DNAH9: variants seen among roughly 807,000 people sequenced by gnomAD.
The protein encoded by DNAH9 is dynein axonemal heavy chain 9.
A neutral mutation model predicts 471.6 loss-of-function variants in DNAH9; 345 were observed. The observed-to-expected ratio is 0.73, with a 90% CI of 0.67 to 0.80. DNAH9 has a LOEUF of 0.80. DNAH9 is among the 30% of genes least tolerant of loss of function. The probability of loss-of-function intolerance (pLI) is 0.00; values close to 1 mark genes in which losing one functional copy is unlikely to be tolerated. For missense variants in DNAH9, 5,407 were observed against 5,609.2 expected (o/e 0.96, Z 1.15); for synonymous variants, 2,093 against 2,123.6 (o/e 0.99, Z 0.40).
At chr17:11,925,926 G>C (rs1012510901) in intron 62 of DNAH9, among the ~76,000 whole-genome samples, 1 of 148,990 alleles carries the variant, frequency 6.7e-6, no homozygotes, top group Non-Finnish European at 1.5e-5. Context: ...GAAATCTCTT[G>C]TAGGAATCAC....
In DNAH9 at chr17:11,728,582, A is replaced by G. The variant is rs987308526; in HGVS notation, c.5814+660A>G. ...CTTGAGATAGACGTGAGTACTTTCA[A>G]TGTTCTAGAGGTGACTTAAATTCTG... On this transcript the variant is annotated intron_variant, in intron 28 of 68. Coordinates refer to ENST00000262442, the MANE Select transcript of DNAH9 (RefSeq NM_001372.4). 5.3e-5 allele frequency among the ~76,000 whole-genome samples: 8 copies of G among 151,668 alleles called. No individual in the cohort carries two copies. In the East Asian group the frequency reaches 7.8e-4, roughly 15 times the overall value.
chr17:11,885,733 A>C (rs970038119), intron 56 of DNAH9, among the ~76,000 whole-genome samples: 1 of 152,140 alleles, frequency 6.6e-6, no homozygotes, highest in Non-Finnish European at 1.5e-5. Flanking sequence ...AGTCATTCTC[A>C]GTTCATGAGA....
intron 38 of DNAH9, among the ~76,000 whole-genome samples, chr17:11,771,337 C>T (rs1158944139): frequency 6.6e-6 from 1 of 152,152 alleles, no homozygotes; most frequent in African/African-American, 2.4e-5. Flanking sequence ...CCATGTTGGC[C>T]AGGCTGGTCT....
At chr17:11,910,179 C>G (rs575942791) in intron 61 of DNAH9, among the ~76,000 whole-genome samples, 15 of 151,806 alleles carry the variant, frequency 9.9e-5, no homozygotes, top group Admixed American at 7.9e-4. Flanking sequence ...GGCATGAACC[C>G]GGGAGGCGGA....
intron 67 of DNAH9, among the ~76,000 whole-genome samples, chr17:11,952,139 CT>C (rs71142258): frequency 0.44 from 44,577 of 101,634 alleles, 8,342 homozygotes; most frequent in East Asian, 0.5. Context: ...AGCTATATTA[CT>C]TTTTTTTTTT....
chr17:11,836,252 A>G (rs866684622), intron 49 of DNAH9, among the ~76,000 whole-genome samples: 1 of 152,214 alleles, frequency 6.6e-6, no homozygotes, highest in African/African-American at 2.4e-5. Context: ...TGAATTCTGC[A>G]TTGTCACCTC....
At chr17:11,646,207 C>T (rs897263915) in intron 11 of DNAH9, among the ~76,000 whole-genome samples, 17 of 151,292 alleles carry the variant, frequency 1.1e-4, no homozygotes, top group South Asian at 4.2e-4. Flanking sequence ...TGAGTAGAGA[C>T]GGGGTTTCTC....
chr17:11,689,481 T>C (rs2074296096), intron 19 of DNAH9, 85 bp from the exon 20 acceptor site: 8 of 1,159,188 alleles, frequency 6.9e-6, no homozygotes, highest in Admixed American at 2.3e-5. Flanking sequence ...AGCATTTAAA[T>C]ATTTCAGCTG....
chr17:11,660,267 T>G (rs2150714513), intron 14 of DNAH9, among the ~76,000 whole-genome samples: 1 of 152,038 alleles, frequency 6.6e-6, no homozygotes, highest in East Asian at 1.9e-4. Flanking sequence ...TTTAGTTTCA[T>G]TCTACAAATT....
chr17:11,940,210 A>C (rs1974855953), intron 66 of DNAH9, among the ~76,000 whole-genome samples: 1 of 152,190 alleles, frequency 6.6e-6, no homozygotes, highest in South Asian at 2.1e-4. Context: ...CTCCTATCTG[A>C]AAGAGTCTCT....
At chr17:11,925,136 T>TAG in intron 62 of DNAH9, 1 of 454,446 alleles carries the variant, frequency 2.2e-6, no homozygotes. Context: ...ATTTTATGAC[T>TAG]GTATTCTCCA....
In DNAH9 at chr17:11,810,144, TC is replaced by T. The variant is rs1969836245; in HGVS notation, c.8584-101del. On this transcript the variant is annotated intron_variant, in intron 44 of 68. Transcript: ENST00000262442. ...ATTGTCACCTTACTTTAATTCCCAT[TC>T]AAGCAGAGAAGAAAACGGTTCCATT... 6 of 1,400,576 alleles carry T rather than the reference TC, an allele frequency of 4.3e-6. No individual in the cohort carries two copies. In the South Asian group the frequency reaches 9.0e-5, roughly 21 times the overall value. 86.8% of individuals were successfully genotyped at this position (1,400,576 alleles called of 1,614,324 possible).
chr17:11,742,486 C>A (rs1001995518), intron 30 of DNAH9, among the ~76,000 whole-genome samples, 173 bp downstream of exon 30: 2 of 152,188 alleles, frequency 1.3e-5, no homozygotes, highest in African/African-American at 2.4e-5. Flanking sequence ...TTTATGTTCA[C>A]TTTTTTAGCT....
At chr17:11,762,406 G>A (rs1967717771) in intron 35 of DNAH9, among the ~76,000 whole-genome samples, 1 of 152,172 alleles carries the variant, frequency 6.6e-6, no homozygotes, top group African/African-American at 2.4e-5. Flanking sequence ...GGATACCTAT[G>A]GGAAGAAAAG....
chr17:11,762,955 A>AT, intron 35 of DNAH9, among the ~76,000 whole-genome samples: 1 of 151,230 alleles, frequency 6.6e-6, no homozygotes, highest in African/African-American at 2.4e-5. Flanking sequence ...AATTTTTTGT[A>AT]TTTTTAGTAG....
At chr17:11,784,099 C>T (rs923177513) in intron 40 of DNAH9, among the ~76,000 whole-genome samples, 3 of 152,158 alleles carry the variant, frequency 2.0e-5, no homozygotes, top group Non-Finnish European at 2.9e-5. Flanking sequence ...CCCCAGGCTG[C>T]CATCTTTAAC....
Position 11,623,999 on chromosome 17 carries a change from G to T in DNAH9, c.1350+4218G>T, listed in dbSNP as rs78634067. ...AGGTGGGGCTGGCTTGGAAGAAGGGGTATACATTGCCCAGTATTTTTCGGT... is the reference window on the plus strand; with the variant it reads ...AGGTGGGGCTGGCTTGGAAGAAGGGTTATACATTGCCCAGTATTTTTCGGT... On this transcript the variant is annotated intron_variant, in intron 6 of 68. Coordinates refer to ENST00000262442, the MANE Select transcript of DNAH9 (RefSeq NM_001372.4). The surrounding 1 kb of genome is among the most constrained non-coding windows in gnomAD (Gnocchi z 4.1). 0.026 allele frequency among the ~76,000 whole-genome samples: 3,983 copies of T among 152,228 alleles called. 164 individuals carry two copies. The highest frequency in any genetic ancestry group is 0.09 in the African/African-American group (3,723 of 41,514).
Position 11,768,622 on chromosome 17 carries a change from T to G in DNAH9, c.7340T>G (p.Leu2447Trp), listed in dbSNP as rs892692437. 6.2e-7 allele frequency: 1 copy of G among 1,613,658 alleles called. No individual in the cohort carries two copies. Among genetic ancestry groups the G allele is most frequent in the Non-Finnish European group, 8.5e-7 (1 of 1,179,824 alleles). ...TTCGAATTTGACCCCGAGATGCCCT[T>G]GCAGGTGAGTGCAGCTGAGCAGCCG... is the stretch of plus-strand genomic sequence containing the variant. ...PQFEFDPEMP[L>W]QACLVHTSET... Residue 2447 changes from leucine to tryptophan, a missense_variant, in exon 37 of 69, where the codon TTG becomes TGG. Leu to Trp is a moderately conservative substitution (Grantham distance 61, BLOSUM62 -2). Coordinates refer to ENST00000262442, the MANE Select transcript of DNAH9 (RefSeq NM_001372.4).
intron 26 of DNAH9, among the ~76,000 whole-genome samples, chr17:11,711,235 G>T (rs560447195): frequency 6.6e-6 from 1 of 152,188 alleles, no homozygotes; most frequent in South Asian, 2.1e-4. Context: ...CAGCCCCAAG[G>T]ATAGGAAAGG....
Sources: allele counts gnomAD v4.1 joint callset (sites outside exome capture counted in the v4.1 genomes callset), GRCh38; gene constraint gnomAD v4.1.1; non-coding constraint Gnocchi (gnomAD v3.1); transcripts MANE v1.5; gene names NCBI Gene and HGNC (gene_info 2026-07-23, HGNC 2026-07-21).